The following STAG1 variants were observed in gnomAD, a reference collection of about 807,000 sequenced individuals.
STAG1 encodes STAG1 cohesin complex component.
Under a neutral mutation model 170.9 loss-of-function variants are expected in STAG1, and 26 were observed. The observed-to-expected ratio is 0.15, with a 90% confidence interval of 0.11 to 0.21. The LOEUF is 0.21. STAG1 is among the 10% of genes least tolerant of loss of function. STAG1 has a pLI of 1.00. For missense variants in STAG1, 964 were observed against 1,509.5 expected, an observed-to-expected ratio of 0.64 and a Z score of 5.99; for synonymous variants, 514 against 497.7, an observed-to-expected ratio of 1.03 and a Z score of -0.44.
At chr3:136,664,059 G>A (rs1941671752) in intron 1 of STAG1, among the ~76,000 whole-genome samples, 1 of 152,242 alleles carries the variant, frequency 6.6e-6, no homozygotes, top group Non-Finnish European at 1.5e-5. Flanking sequence ...TCCTCTTCTT[G>A]CTTAAAGAGT....
rs947497143 is a variant in STAG1, at chr3:136,560,936, C to A, written c.394+7829G>T. 2.0e-5 allele frequency among the ~76,000 whole-genome samples: 3 copies of A among 151,858 alleles called. No homozygotes were observed. In the East Asian group the frequency reaches 5.8e-4, roughly 29 times the overall value. On this transcript the variant is annotated intron_variant, in intron 5 of 33. Transcript: ENST00000383202. ...GCCGGGAACTTGGGTGGGGACGGGGCGAATTGTGATTTTTTTTTTTCCTGC... is the reference window on the plus strand; with the variant it reads ...GCCGGGAACTTGGGTGGGGACGGGGAGAATTGTGATTTTTTTTTTTCCTGC...
chr3:136,636,952 C>G (rs1228565198), intron 1 of STAG1, among the ~76,000 whole-genome samples: 4 of 152,094 alleles, frequency 2.6e-5, no homozygotes, highest in Non-Finnish European at 5.9e-5. Flanking sequence ...ACAATTTAGA[C>G]ATGTCAATTA....
chr3:136,380,409 T>C (rs1937888298), intron 22 of STAG1, among the ~76,000 whole-genome samples: 1 of 151,940 alleles, frequency 6.6e-6, no homozygotes, highest in Non-Finnish European at 1.5e-5. Flanking sequence ...ACCTGGCTAA[T>C]TTTTGTATTT....
chr3:136,719,920 T>C (rs542750401), intron 1 of STAG1, among the ~76,000 whole-genome samples: 5 of 152,260 alleles, frequency 3.3e-5, no homozygotes, highest in African/African-American at 1.2e-4. Context: ...CTCATGCCTG[T>C]AATCCCAGCA....
chr3:136,515,526 G>A (rs763404982), intron 7 of STAG1, among the ~76,000 whole-genome samples: 9 of 152,074 alleles, frequency 5.9e-5, no homozygotes, highest in African/African-American at 9.7e-5. Flanking sequence ...TAGTATCTAT[G>A]CTATAAAGAC....
chr3:136,646,940 C>T (rs1254727899), intron 1 of STAG1, among the ~76,000 whole-genome samples: 1 of 151,818 alleles, frequency 6.6e-6, no homozygotes, highest in Non-Finnish European at 1.5e-5. Context: ...AATAAAGTTT[C>T]AAATAGCTAG....
At chr3:136,536,841 T>C (rs1041027853) in intron 6 of STAG1, among the ~76,000 whole-genome samples, 7 of 152,124 alleles carry the variant, frequency 4.6e-5, no homozygotes, top group African/African-American at 1.7e-4. Flanking sequence ...TCATCTGTCA[T>C]ATAGGGATAA....
At chr3:136,510,383 T>TG (rs1401078463) in intron 7 of STAG1, among the ~76,000 whole-genome samples, 2 of 149,746 alleles carry the variant, frequency 1.3e-5, no homozygotes, top group East Asian at 2.0e-4. Context: ...CCCGCCTCCC[T>TG]GGTTCAAGTG....
chr3:136,655,166 A>G (rs528844018), intron 1 of STAG1, among the ~76,000 whole-genome samples: 1 of 152,384 alleles, frequency 6.6e-6, no homozygotes, highest in East Asian at 1.9e-4. Context: ...AACTTTGTGC[A>G]TCAAGAAACA....
Position 136,352,094 on chromosome 3 carries a change from C to A in STAG1, c.3066-2731G>T, listed in dbSNP as rs550779605. Among the ~76,000 whole-genome samples the A allele has an allele frequency of 2.0e-5, 3 of 152,078 alleles. No individual in the cohort carries two copies. In the East Asian group the frequency reaches 5.8e-4, roughly 29 times the overall value. ...GAAAATAATATCAACCTCTAGGGGG[C>A]AGATAATTAGTAAAGAGTAGCTATA... On this transcript the variant is annotated intron_variant, in intron 28 of 33. Transcript: ENST00000383202.
intron 5 of STAG1, among the ~76,000 whole-genome samples, 177 bp from the exon 6 acceptor site, chr3:136,542,372 T>A (rs1176449322): frequency 6.6e-6 from 1 of 152,144 alleles, no homozygotes. Flanking sequence ...ACAGTACTCC[T>A]AAGAAGGAAA....
chr3:136,631,698 C>G (rs768111315), intron 1 of STAG1, among the ~76,000 whole-genome samples: 8 of 151,948 alleles, frequency 5.3e-5, no homozygotes, highest in Non-Finnish European at 1.2e-4. Context: ...TTCAAATTTG[C>G]TGTGAACCTA....
At chr3:136,454,599 C>T (rs554388850) in intron 13 of STAG1, among the ~76,000 whole-genome samples, 76 of 152,176 alleles carry the variant, frequency 5.0e-4, no homozygotes, top group Non-Finnish European at 3.2e-4. Context: ...AGGCTGATCT[C>T]GAACTCCTGA....
At chr3:136,519,540 T>C (rs189888837) in intron 7 of STAG1, among the ~76,000 whole-genome samples, 74 of 152,196 alleles carry the variant, frequency 4.9e-4, no homozygotes, top group Non-Finnish European at 3.2e-4. Context: ...TCAAGGTTTT[T>C]TTTTCCAAAT....
chr3:136,382,401 CTTT>C (rs1033807448), intron 22 of STAG1, among the ~76,000 whole-genome samples: 6 of 134,560 alleles, frequency 4.5e-5, no homozygotes, highest in Admixed American at 7.6e-5. Context: ...CCAAGGCTTT[CTTT>C]TTTTTTTTTT....
At chr3:136,682,071 A>C (rs1013796618) in intron 1 of STAG1, among the ~76,000 whole-genome samples, 1 of 152,228 alleles carries the variant, frequency 6.6e-6, no homozygotes, top group Non-Finnish European at 1.5e-5. Context: ...ATTTTAAAAA[A>C]AAGAAATAAA....
chr3:136,369,250 A>T lies in STAG1; in HGVS notation c.2403T>A (p.Ile801=), dbSNP rs1053944719. The T allele has an allele frequency of 1.2e-6, 2 of 1,601,070 alleles. No homozygotes were observed. Among genetic ancestry groups the T allele is most frequent in the Non-Finnish European group, 1.7e-6 (2 of 1,176,982 alleles). ...AFMLLCDLLM[I]FSHQLMTGGR... ...CACCTGTCATTAATTGGTGGCTGAA[A>T]ATCATCAGAAGATCACAGAGTAACA... The change falls in exon 24 of 34, where the codon ATT becomes ATA. Residue 801 remains isoleucine, a synonymous_variant. Coordinates refer to ENST00000383202, the MANE Select transcript of STAG1 (RefSeq NM_005862.3).
At chr3:136,565,607 A>G (rs910376327) in intron 5 of STAG1, among the ~76,000 whole-genome samples, 1 of 152,206 alleles carries the variant, frequency 6.6e-6, no homozygotes, top group Non-Finnish European at 1.5e-5. Flanking sequence ...GCCACTGTGG[A>G]AAACAGTTTG....
At position 136,377,310 on chromosome 3, in the gene STAG1, C is replaced by A. The variant is rs540091731; in HGVS notation, c.2370+350G>T. On this transcript the variant is annotated intron_variant, in intron 23 of 33. Transcript: ENST00000383202. ...GCTGAGGCAGGAGAATGGCGTGAAC[C>A]CGGGAGGCGGAGCTTGCAGTGAGCC... Among the ~76,000 whole-genome samples the A allele has an allele frequency of 7.9e-5, 10 of 126,056 alleles. No individual in the cohort carries two copies. In the East Asian group the frequency reaches 2.4e-3, roughly 30 times the overall value. The allele number at this position is 126,056 out of a possible 152,430, so 82.7% of individuals were successfully genotyped here.
Sources: gnomAD v4.1 joint callset for allele counts (sites outside exome capture counted in the v4.1 genomes callset) on GRCh38, gnomAD v4.1.1 for gene constraint, MANE v1.5 for transcripts, NCBI Gene and HGNC (gene_info 2026-07-23, HGNC 2026-07-21) for gene names.